The following CLASP1 variants were observed in gnomAD, a reference collection of about 807,000 sequenced individuals.
The protein encoded by CLASP1 is cytoplasmic linker associated protein 1, also known as CLIP-associating protein 1.
In CLASP1, 38 loss-of-function variants were observed where a neutral mutation model predicts 192.3. The observed-to-expected ratio is 0.20, with a 90% CI of 0.15 to 0.26. The LOEUF is 0.26. Ranked by LOEUF, CLASP1 falls within the 10% of genes least tolerant of loss-of-function variation. CLASP1 has a pLI of 1.00. For missense variants in CLASP1, 1,433 were observed against 1,932.5 expected (o/e 0.74, Z 4.85); for synonymous variants, 691 against 712.8 (o/e 0.97, Z 0.49).
intron 6 of CLASP1, among the ~76,000 whole-genome samples, chr2:121,522,469 T>G (rs750248589): frequency 7.2e-5 from 11 of 152,198 alleles, no homozygotes; most frequent in African/African-American, 2.7e-4. Context: ...AGGCAGGAAG[T>G]GCTAACTTGA....
chr2:121,627,706 CAG>C (rs1309572752), intron 1 of CLASP1, among the ~76,000 whole-genome samples: 4 of 152,180 alleles, frequency 2.6e-5, no homozygotes, highest in Non-Finnish European at 5.9e-5. Context: ...GGAAAACGTG[CAG>C]AGTCATGGAC....
intron 19 of CLASP1, chr2:121,445,579 C>A: frequency 1.5e-6 from 1 of 670,272 alleles, no homozygotes; most frequent in Non-Finnish European, 2.3e-6. Flanking sequence ...GCAACTGTAA[C>A]AAATTCTCAC....
At chr2:121,387,169 G>A in exon 32 of CLASP1, 1 of 1,612,926 alleles carries the variant, frequency 6.2e-7, no homozygotes. Context: ...AGGTCAGGGG[G>A]CTGGTCCTGC....
intron 8 of CLASP1, among the ~76,000 whole-genome samples, chr2:121,487,413 T>C (rs2093044535): frequency 6.6e-6 from 1 of 152,218 alleles, no homozygotes; most frequent in Admixed American, 6.5e-5. Context: ...GCAGATCAAC[T>C]GTTACCTTTA....
intron 9 of CLASP1, among the ~76,000 whole-genome samples, chr2:121,468,192 A>G (rs2090014466): frequency 6.6e-6 from 1 of 152,170 alleles, no homozygotes; most frequent in Admixed American, 6.5e-5. Flanking sequence ...GGTTAGGGGT[A>G]GCCTTATAGT....
At chr2:121,553,584 C>T (rs997143403) in intron 2 of CLASP1, among the ~76,000 whole-genome samples, 1 of 151,980 alleles carries the variant, frequency 6.6e-6, no homozygotes, top group African/African-American at 2.4e-5. Context: ...GCCTGTAGTC[C>T]CAGCTACTAG....
chr2:121,519,220 G>A (rs936410111), intron 6 of CLASP1, among the ~76,000 whole-genome samples: 7 of 152,178 alleles, frequency 4.6e-5, no homozygotes, highest in Non-Finnish European at 8.8e-5. Context: ...GTAAACTGAG[G>A]GTTGCTCTGA....
intron 5 of CLASP1, among the ~76,000 whole-genome samples, chr2:121,526,122 T>C (rs2094567894): frequency 1.3e-5 from 2 of 152,332 alleles, no homozygotes; most frequent in South Asian, 4.1e-4. Context: ...CTAGGGTGGC[T>C]TCTCCCAGAT....
At chr2:121,587,018 G>A (rs1395047044) in intron 2 of CLASP1, among the ~76,000 whole-genome samples, 1 of 152,044 alleles carries the variant, frequency 6.6e-6, no homozygotes, top group South Asian at 2.1e-4. Flanking sequence ...CGAGGCGGGC[G>A]GATCACAAAG....
chr2:121,648,251 C>T (rs2073544016), intron 1 of CLASP1, among the ~76,000 whole-genome samples: 1 of 152,162 alleles, frequency 6.6e-6, no homozygotes, highest in Non-Finnish European at 1.5e-5. Flanking sequence ...GACTGTGGCA[C>T]CCAAATAGGG....
chr2:121,577,494 G>C (rs2060639597), intron 2 of CLASP1, among the ~76,000 whole-genome samples: 1 of 152,158 alleles, frequency 6.6e-6, no homozygotes, highest in Non-Finnish European at 1.5e-5. Context: ...CATATATGGT[G>C]AAATTCTAAT....
At chr2:121,634,526 T>G (rs1049819006) in intron 1 of CLASP1, among the ~76,000 whole-genome samples, 1 of 152,226 alleles carries the variant, frequency 6.6e-6, no homozygotes, top group Non-Finnish European at 1.5e-5. Context: ...GCTTAGTCAT[T>G]CTTTCATGAC....
chr2:121,618,192 T>C (rs80068874), intron 1 of CLASP1, among the ~76,000 whole-genome samples: 68 of 152,308 alleles, frequency 4.5e-4, no homozygotes, highest in Non-Finnish European at 8.5e-4. Context: ...GACCTAACTA[T>C]ATTTTGTTCA....
chr2:121,533,848 AG>A (rs1210896791), intron 2 of CLASP1, among the ~76,000 whole-genome samples: 1 of 152,210 alleles, frequency 6.6e-6, no homozygotes, highest in Non-Finnish European at 1.5e-5. Context: ...GGTACACGGT[AG>A]GTGATCAATA....
chr2:121,424,930 C>T (rs1280716355), intron 22 of CLASP1, among the ~76,000 whole-genome samples: 10 of 152,170 alleles, frequency 6.6e-5, no homozygotes, highest in Non-Finnish European at 1.5e-5. Context: ...GACATAATTC[C>T]TTCCCATCAA....
intron 28 of CLASP1, among the ~76,000 whole-genome samples, chr2:121,399,795 C>A (rs1006697588): frequency 2.6e-5 from 4 of 152,162 alleles, no homozygotes; most frequent in Non-Finnish European, 4.4e-5. Flanking sequence ...TCCTACCATT[C>A]CTAAATATAT....
intron 2 of CLASP1, among the ~76,000 whole-genome samples, chr2:121,595,597 TCAGTCAATGG>T (rs994701630): frequency 1.3e-5 from 2 of 152,234 alleles, no homozygotes; most frequent in African/African-American, 4.8e-5. Context: ...ACAGGGGGCC[TCAGTCAATGG>T]ATTGTTTTAT....
At chr2:121,437,143 A>T (rs182843406) in intron 19 of CLASP1, among the ~76,000 whole-genome samples, 491 of 151,944 alleles carry the variant, frequency 3.2e-3, no homozygotes, top group African/African-American at 4.8e-3. Context: ...TAAAAAAAAA[A>T]TTTTTGGTAG....
intron 20 of CLASP1, among the ~76,000 whole-genome samples, chr2:121,429,641 C>T (rs1290924361): frequency 6.6e-6 from 1 of 152,186 alleles, no homozygotes; most frequent in Non-Finnish European, 1.5e-5. Flanking sequence ...AATGTTAGAG[C>T]ACAGAATTAA....
Sources: allele counts gnomAD v4.1 joint callset (sites outside exome capture counted in the v4.1 genomes callset), GRCh38; gene constraint gnomAD v4.1.1; transcripts MANE v1.5; gene names NCBI Gene and HGNC (gene_info 2026-07-23, HGNC 2026-07-21).